The following MTHFD1L variants were observed in gnomAD, a reference collection of about 807,000 sequenced individuals.
The protein encoded by MTHFD1L is methylenetetrahydrofolate dehydrogenase (NADP+ dependent) 1 like.
In MTHFD1L, 81 loss-of-function variants were observed where a neutral mutation model predicts 119.5. That is an observed-to-expected ratio of 0.68 (90% CI 0.57 to 0.82). The LOEUF (loss-of-function observed/expected upper bound fraction) is 0.82. Ranked by LOEUF, MTHFD1L falls within the 40% of genes least tolerant of loss-of-function variation. MTHFD1L has a pLI of 0.00. For synonymous variants in MTHFD1L, 430 were observed against 475.2 expected (o/e 0.90, Z 1.24); for missense variants, 1,125 against 1,253.4 (o/e 0.90, Z 1.55).
At chr6:150,896,449 C>T (rs893690276) in intron 7 of MTHFD1L, among the ~76,000 whole-genome samples, 25 of 152,254 alleles carry the variant, frequency 1.6e-4, no homozygotes, top group African/African-American at 6.0e-4. Context: ...TGAGTTCATC[C>T]CCTCCCCTGC....
intron 26 of MTHFD1L, among the ~76,000 whole-genome samples, chr6:151,072,829 A>G (rs1049459415): frequency 6.6e-6 from 1 of 152,092 alleles, no homozygotes; most frequent in Non-Finnish European, 1.5e-5. Context: ...AGAGTACACA[A>G]TATTATCTCA....
In MTHFD1L at chr6:150,948,825, G is replaced by C. The variant is rs13205952; in HGVS notation, c.1624-206G>C. On this transcript the variant is annotated intron_variant, in intron 15 of 27. Transcript: ENST00000367321. ...CCAGCTAATTTTTGCATTTTTAGTAGAGATGGGGTTTCTCCATGTTGGTCA... is the reference window on the plus strand; with the variant it reads ...CCAGCTAATTTTTGCATTTTTAGTACAGATGGGGTTTCTCCATGTTGGTCA... 0.22 allele frequency among the ~76,000 whole-genome samples: 28,930 copies of C among 130,032 alleles called. 5,257 individuals are homozygous for C. Among genetic ancestry groups the C allele is most frequent in the East Asian group, 0.4 (1,600 of 3,976 alleles). 85.3% of individuals were successfully genotyped at this position (130,032 alleles called of 152,430 possible). A position where few individuals can be genotyped will look rare whatever the true frequency, so the allele number is the denominator to read the frequency against.
chr6:151,042,708 T>C (rs544008476), intron 26 of MTHFD1L, among the ~76,000 whole-genome samples: 53 of 152,326 alleles, frequency 3.5e-4, no homozygotes, highest in Non-Finnish European at 6.3e-4. Context: ...AAGCAAAGTA[T>C]ATGAAACAAT....
intron 18 of MTHFD1L, 131 bp from the exon 19 acceptor site, chr6:150,964,838 C>T: frequency 1.4e-6 from 1 of 701,210 alleles, no homozygotes; most frequent in Middle Eastern, 2.7e-4. Context: ...GACAGCAGCA[C>T]TGTCCCCTGT....
intron 26 of MTHFD1L, among the ~76,000 whole-genome samples, chr6:151,079,324 A>G (rs1792888132): frequency 6.6e-6 from 1 of 152,098 alleles, no homozygotes; most frequent in South Asian, 2.1e-4. Flanking sequence ...TCTGAACGGC[A>G]AGACCAGGAC....
At chr6:150,979,977 TAAAA>T (rs879342004) in intron 20 of MTHFD1L, among the ~76,000 whole-genome samples, 1 of 145,664 alleles carries the variant, frequency 6.9e-6, no homozygotes, top group African/African-American at 2.5e-5. Flanking sequence ...CATCCACCTT[TAAAA>T]AAAAAAAAAA....
chr6:151,085,288 A>G (rs1793691300), intron 26 of MTHFD1L, among the ~76,000 whole-genome samples: 1 of 152,152 alleles, frequency 6.6e-6, no homozygotes, highest in Non-Finnish European at 1.5e-5. Flanking sequence ...AAAGAAGAGA[A>G]ATAATTGTAC....
intron 17 of MTHFD1L, chr6:150,959,292 A>G: frequency 1.5e-5 from 11 of 734,592 alleles, no homozygotes; most frequent in Non-Finnish European, 1.8e-5. Flanking sequence ...TGATCCCACC[A>G]GGGCACAGCC....
chr6:150,954,657 C>A (rs962400043), intron 16 of MTHFD1L, among the ~76,000 whole-genome samples: 1 of 152,054 alleles, frequency 6.6e-6, no homozygotes, highest in Non-Finnish European at 1.5e-5. Flanking sequence ...CCACTGCACT[C>A]CAGCCTGCAT....
chr6:150,870,215 G>A (rs1221794895), intron 1 of MTHFD1L, among the ~76,000 whole-genome samples: 3 of 152,226 alleles, frequency 2.0e-5, no homozygotes, highest in Non-Finnish European at 4.4e-5. Context: ...CAAAGTGGAA[G>A]CTCACAAGGC....
At chr6:151,098,903 C>CGGTA (rs923676335) in intron 27 of MTHFD1L, among the ~76,000 whole-genome samples, 2 of 152,126 alleles carry the variant, frequency 1.3e-5, no homozygotes, top group Non-Finnish European at 2.9e-5. Context: ...AGGCCAGGCA[C>CGGTA]GGTAGCTCGC....
intron 7 of MTHFD1L, among the ~76,000 whole-genome samples, chr6:150,903,306 C>T (rs1254091723): frequency 6.7e-6 from 1 of 148,706 alleles, no homozygotes; most frequent in Non-Finnish European, 1.5e-5. Context: ...GCAACCTCTG[C>T]CTCCCAGGTT....
intron 20 of MTHFD1L, among the ~76,000 whole-genome samples, chr6:150,989,571 G>A (rs516108): frequency 0.53 from 81,218 of 152,018 alleles, 22,897 homozygotes; most frequent in African/African-American, 0.7. Flanking sequence ...TGGATGCAAT[G>A]TAAATATGTA....
chr6:151,009,367 T>C (rs1186595647), intron 20 of MTHFD1L, among the ~76,000 whole-genome samples: 1 of 151,786 alleles, frequency 6.6e-6, no homozygotes, highest in Non-Finnish European at 1.5e-5. Context: ...ACCCCATCTC[T>C]ACTAAAAATA....
At chr6:150,984,990 G>T (rs975175739) in intron 20 of MTHFD1L, 1 of 152,056 alleles carries the variant, frequency 6.6e-6, no homozygotes. Context: ...ACCTTGGGTG[G>T]GTCACTTCAC....
At position 151,039,581 on chromosome 6, in the gene MTHFD1L, A is replaced by T. The variant is rs1447132241; in HGVS notation, c.2847+2464A>T. ...TGTATAATTTAATTATACCTCAGTTAACAAAAATGGGTGCTGAAGAGCTTG... is the reference window on the plus strand; with the variant it reads ...TGTATAATTTAATTATACCTCAGTTTACAAAAATGGGTGCTGAAGAGCTTG... On this transcript the variant is annotated intron_variant, in intron 26 of 27. Transcript: ENST00000367321. The surrounding 1 kb of genome is among the most constrained non-coding windows in gnomAD (Gnocchi z 4.4). Among the ~76,000 whole-genome samples the T allele has an allele frequency of 6.6e-6, 1 of 152,148 alleles. No homozygotes were observed. Among genetic ancestry groups the T allele is most frequent in the African/African-American group, 2.4e-5 (1 of 41,430 alleles).
rs117944285 is a variant in MTHFD1L, at chr6:150,890,854, A to G, written c.780+2873A>G. Among the ~76,000 whole-genome samples the G allele has an allele frequency of 2.7e-3, 408 of 152,380 alleles. 6 individuals are homozygous for G. The highest frequency in any genetic ancestry group is 3.4e-3 in the Non-Finnish European group (232 of 68,044). On this transcript the variant is annotated intron_variant, in intron 7 of 27. Transcript: ENST00000367321. ...TTAAACAGTGATCTAAATGCCCATC[A>G]GGGTGAAAGGATAAATCAGTATAGT...
chr6:151,097,023 G>A (rs889358206), intron 27 of MTHFD1L, among the ~76,000 whole-genome samples: 7 of 152,120 alleles, frequency 4.6e-5, no homozygotes, highest in East Asian at 1.9e-4. Flanking sequence ...AAATTGATCC[G>A]GCTGTTGAGT....
intron 26 of MTHFD1L, among the ~76,000 whole-genome samples, chr6:151,046,804 G>A (rs1385407167): frequency 2.6e-5 from 4 of 152,020 alleles, no homozygotes; most frequent in African/African-American, 9.7e-5. Flanking sequence ...CCAAGATACC[G>A]GTTTTGTAAA....
Sources: allele counts gnomAD v4.1 joint callset (sites outside exome capture counted in the v4.1 genomes callset), GRCh38; gene constraint gnomAD v4.1.1; non-coding constraint Gnocchi (gnomAD v3.1); transcripts MANE v1.5; gene names NCBI Gene and HGNC (gene_info 2026-07-23, HGNC 2026-07-21).